Variants in MUCL3 observed in about 807,000 individuals in gnomAD.
The protein encoded by MUCL3 is mucin-like protein 3.
Under a neutral mutation model 70.2 loss-of-function variants are expected in MUCL3, and 42 were observed. The observed-to-expected ratio is 0.60, with a 90% CI of 0.47 to 0.77. The LOEUF (loss-of-function observed/expected upper bound fraction) is 0.77, where lower values mean the gene tolerates loss of function less well. MUCL3 is among the 30% of genes least tolerant of loss of function. The pLI is 0.00. For missense variants in MUCL3, 1,429 were observed against 1,670.0 expected (o/e 0.86, Z 2.52); for synonymous variants, 522 against 647.0 (o/e 0.81, Z 2.93).
rs776864263 is a variant in MUCL3 at position 30,952,145 on chromosome 6, G to A, written c.3681G>A (p.Lys1227=). Residue 1227 remains lysine, a synonymous_variant, in exon 2 of 3, where the codon AAG becomes AAA. Coordinates refer to ENST00000462446, the MANE Select transcript of MUCL3 (RefSeq NM_080870.4). ...LTTETIKAPV[K]STENPEKTAA... ...CTGAGACCATAAAAGCCCCAGTAAA[G>A]TCCACAGAAAACCCAGAAAAAACAG... 3 of 1,613,614 alleles carry A rather than the reference G, an allele frequency of 1.9e-6. No individual in the cohort carries two copies. The highest frequency in any genetic ancestry group is 8.5e-7 in the Non-Finnish European group (1 of 1,179,908).
rs1175433965 is a variant in MUCL3 at position 30,949,015 on chromosome 6, A to G, written c.551A>G (p.Lys184Arg). The G allele has an allele frequency of 1.3e-5, 20 of 1,551,724 alleles. No homozygotes were observed. Among genetic ancestry groups the G allele is most frequent in the Non-Finnish European group, 1.7e-5 (20 of 1,146,988 alleles). The change falls in exon 2 of 3, where the codon AAA becomes AGA. Residue 184 changes from lysine (K) to arginine (R), a missense_variant. Physicochemically the swap from Lys to Arg is conservative, Grantham distance 26. Transcript: ENST00000462446. ...TCAACGGTAACAAGAAAATCAGATA[A>G]AACTGGAAGACCTTTGGAAAAGTCC... ...GKSTVTRKSD[K>R]TGRPLEKSMS...
chr6:30,950,548 C>A lies in MUCL3; in HGVS notation c.2084C>A (p.Ser695Ter). 2 of 1,550,644 alleles carry A rather than the reference C, an allele frequency of 1.3e-6. No individual in the cohort carries two copies. Among genetic ancestry groups the A allele is most frequent in the Non-Finnish European group, 1.7e-6 (2 of 1,146,734 alleles). ...CCATTTGCCAATGAGAAAACCACAT[C>A]ATCCTCAGCAGAGCCTACAGAACAC... is the stretch of plus-strand genomic sequence containing the variant. ...RTPFANEKTTSSSAEPTEHGE... is the reference protein window; with the variant it reads ...RTPFANEKTT The change falls in exon 2 of 3, where the codon TCA becomes TAA. Residue 695 changes from serine (S) to a stop codon, truncating the protein, a stop_gained. Transcript: ENST00000462446. LOFTEE classifies it high-confidence loss of function.
chr6:30,950,430 T>C lies in MUCL3; in HGVS notation c.1966T>C (p.Phe656Leu). ...EMTANEKTTL[F>L]PAEPTENRER... ...GACAGCCAACGAGAAGACCACACTA[T>C]TCCCAGCAGAGCCTACAGAAAATAG... Residue 656 changes from phenylalanine to leucine, a missense_variant, in exon 2 of 3, where the codon TTC becomes CTC. Coordinates refer to ENST00000462446, the MANE Select transcript of MUCL3 (RefSeq NM_080870.4). The C allele has an allele frequency of 6.5e-7, 1 of 1,543,110 alleles. No individual in the cohort carries two copies. Among genetic ancestry groups the C allele is most frequent in the Non-Finnish European group, 8.7e-7 (1 of 1,145,652 alleles).
rs564551638 is a variant in MUCL3, at chr6:30,942,503, A to AG, written c.82+1426dup. 1.4e-3 allele frequency among the ~76,000 whole-genome samples: 211 copies of AG among 152,282 alleles called. 1 individual carries two copies. The Middle Eastern group carries it at 0.017, about 12-fold the overall frequency. ...CCCTGAGCACAGTCAGGTTGAGGCCAGGGGTGGAGGCAGGGGCAGGTGGGT... is the reference window on the plus strand; with the variant it reads ...CCCTGAGCACAGTCAGGTTGAGGCCAGGGGGTGGAGGCAGGGGCAGGTGGGT... On this transcript the variant is annotated intron_variant, in intron 1 of 2. Coordinates refer to ENST00000462446, the MANE Select transcript of MUCL3 (RefSeq NM_080870.4).
rs776515157 is a variant in MUCL3 at position 30,951,985 on chromosome 6, C to T, written c.3521C>T (p.Thr1174Met). ...TCCACAGAACACCCAGAAAAGACCA[C>T]GTCAACCACAGAGAAAACCACAAGA... ...EKSTEHPEKT[T>M]STTEKTTRTP... Residue 1174 changes from threonine (T) to methionine (M), a missense_variant, in exon 2 of 3, where the codon ACG becomes ATG. Coordinates refer to ENST00000462446, the MANE Select transcript of MUCL3 (RefSeq NM_080870.4). The T allele has an allele frequency of 7.4e-6, 12 of 1,612,614 alleles. No homozygotes were observed. The highest frequency in any genetic ancestry group is 2.2e-5 in the East Asian group (1 of 44,888).
intron 1 of MUCL3, 102 bp from the exon 2 acceptor site, chr6:30,948,445 C>A: frequency 1.1e-6 from 1 of 897,792 alleles, no homozygotes; most frequent in African/African-American, 1.7e-5. Context: ...GCTGGGGAGT[C>A]ATATCAGGGG....
chr6:30,949,291 A>G lies in MUCL3; in HGVS notation c.827A>G (p.Asn276Ser). 6.4e-7 allele frequency: 1 copy of G among 1,551,716 alleles called. No homozygotes were observed. Among genetic ancestry groups the G allele is most frequent in the Non-Finnish European group, 8.7e-7 (1 of 1,147,000 alleles). ...TKNIQETISA[N>S]ELTQSLAEPT... The stretch of plus-strand genomic sequence containing the variant: ...AACATACAAGAGACCATATCAGCCA[A>G]TGAGCTCACACAATCTCTAGCAGAG... Residue 276 changes from asparagine (N) to serine (S), a missense_variant, in exon 2 of 3, where the codon AAT (asparagine) becomes AGT (serine). Coordinates refer to ENST00000462446, the MANE Select transcript of MUCL3 (RefSeq NM_080870.4).
rs1406373513 is a variant in MUCL3, at chr6:30,949,510, C to A, written c.1046C>A (p.Thr349Lys). ...GGGCCTACAGAAAATAGAGAAATGACAGCCAATGAGAATACCACACTATTC... is the reference window on the plus strand; with the variant it reads ...GGGCCTACAGAAAATAGAGAAATGAAAGCCAATGAGAATACCACACTATTC... ...PAGPTENREMTANENTTLFPA... is the reference protein window; with the variant it reads ...PAGPTENREMKANENTTLFPA... Residue 349 changes from threonine to lysine, a missense_variant, in exon 2 of 3, where the codon ACA becomes AAA. By Grantham distance (78) the Thr-to-Lys change is moderately conservative. Coordinates refer to ENST00000462446, the MANE Select transcript of MUCL3 (RefSeq NM_080870.4). 1 of 1,550,364 alleles carries A rather than the reference C, an allele frequency of 6.5e-7. No individual in the cohort carries two copies. Among genetic ancestry groups the A allele is most frequent in the African/African-American group, 1.4e-5 (1 of 72,626 alleles).
intron 1 of MUCL3, among the ~76,000 whole-genome samples, chr6:30,947,513 T>G (rs1477503689): frequency 6.6e-6 from 1 of 151,974 alleles, no homozygotes; most frequent in Non-Finnish European, 1.5e-5. Context: ...TCTTTGGTGA[T>G]CTCTTGGCCT....
chr6:30,953,230 C>T lies in MUCL3; in HGVS notation c.*113C>T, dbSNP rs552256921. ...CTACAGGAAGGGCAGAGAATACTGA[C>T]GGTTACCAGTATTAACCCTTCATCT... is the stretch of plus-strand genomic sequence containing the variant. On this transcript the variant is annotated 3_prime_UTR_variant, in exon 3 of 3. Transcript: ENST00000462446. The T allele has an allele frequency of 1.1e-5, 16 of 1,429,006 alleles. No individual in the cohort carries two copies. Among genetic ancestry groups the T allele is most frequent in the African/African-American group, 9.9e-5 (7 of 70,602 alleles). 88.5% of individuals were successfully genotyped at this position (1,429,006 alleles called of 1,614,324 possible).
intron 1 of MUCL3, 131 bp from the exon 2 acceptor site, chr6:30,948,416 T>C (rs1370285666): frequency 8.4e-6 from 6 of 712,778 alleles, no homozygotes; most frequent in African/African-American, 1.8e-5. Flanking sequence ...ATAGATATCA[T>C]AGTATTCAGA....
rs987134116 is a variant in MUCL3, at chr6:30,949,749, C to A, written c.1285C>A (p.Leu429Met). ...TACAGAACATGGAGAAAGGACCCCA[C>A]TGGCCAACGAGAACACCACACCATC... is the stretch of plus-strand genomic sequence containing the variant. The part of the protein sequence containing the change: ...ESTEHGERTP[L>M]ANENTTPSPA... Residue 429 changes from leucine to methionine, a missense_variant, in exon 2 of 3, where the codon CTG (leucine) becomes ATG (methionine). Physicochemically the swap from Leu to Met is conservative, Grantham distance 15 (BLOSUM62 2). Coordinates refer to ENST00000462446, the MANE Select transcript of MUCL3 (RefSeq NM_080870.4). 4 of 1,449,044 alleles carry A rather than the reference C, an allele frequency of 2.8e-6. No individual in the cohort carries two copies. In the African/African-American group the frequency reaches 5.0e-5, roughly 18 times the overall value. 89.8% of individuals were successfully genotyped at this position (1,449,044 alleles called of 1,614,324 possible).
chr6:30,946,698 A>T (rs1369710469), intron 1 of MUCL3, among the ~76,000 whole-genome samples: 2 of 152,194 alleles, frequency 1.3e-5, no homozygotes, highest in Non-Finnish European at 2.9e-5. Context: ...TTCCTTCTTT[A>T]AAAGACTGGG....
chr6:30,948,971 TA>T lies in MUCL3; in HGVS notation c.509del (p.Lys170SerfsTer9). The T allele has an allele frequency of 6.4e-7, 1 of 1,551,628 alleles. No individual in the cohort carries two copies. Among genetic ancestry groups the T allele is most frequent in the South Asian group, 1.2e-5 (1 of 84,028 alleles). ...PAPKSKINCR[K>X]STTGKSTVTR... ...CACCCAAGAGCAAAATAAACTGTCG[TA>T]AGTCCACAACAGGCAAATCAACGGT... On this transcript the variant is annotated frameshift_variant, in exon 2 of 3. Transcript: ENST00000462446. LOFTEE classifies it high-confidence loss of function.
chr6:30,944,321 G>C (rs1272005854), intron 1 of MUCL3, among the ~76,000 whole-genome samples: 1 of 150,766 alleles, frequency 6.6e-6, no homozygotes, highest in Non-Finnish European at 1.5e-5. Flanking sequence ...TCACTCTGTG[G>C]CCCAGGTTGG....
chr6:30,948,907 C>T lies in MUCL3; in HGVS notation c.443C>T (p.Thr148Ile), dbSNP rs951402784. The T allele has an allele frequency of 1.3e-6, 2 of 1,550,818 alleles. No homozygotes were observed. Among genetic ancestry groups the T allele is most frequent in the Non-Finnish European group, 8.7e-7 (1 of 1,146,784 alleles). The change falls in exon 2 of 3, where the codon ACA becomes ATA. Residue 148 changes from threonine (T) to isoleucine (I), a missense_variant. By Grantham distance (89) the Thr-to-Ile change is moderately conservative. Coordinates refer to ENST00000462446, the MANE Select transcript of MUCL3 (RefSeq NM_080870.4). ...RSVDPADSTT[T>I]HKESAGKKHI... ...GTTGATCCTGCTGACTCCACTACCA[C>T]ACATAAAGAATCCGCTGGAAAAAAA...
At position 30,950,655 on chromosome 6, in the gene MUCL3, G is replaced by T. The variant is rs980220034; in HGVS notation, c.2191G>T (p.Glu731Ter). Residue 731 changes from glutamate to a stop codon, truncating the protein, a stop_gained, in exon 2 of 3, where the codon GAG becomes TAG. Coordinates refer to ENST00000462446, the MANE Select transcript of MUCL3 (RefSeq NM_080870.4). LOFTEE classifies it high-confidence loss of function. ...AGAAAATAGAGAAAGGACAGCCAAT[G>T]AGAAGACCACACCATTCCCAGCAGA... The part of the protein sequence containing the change: ...PTENRERTAN[E>*]KTTPFPAEPT... The T allele has an allele frequency of 9.1e-6, 14 of 1,536,852 alleles. No individual in the cohort carries two copies. Among genetic ancestry groups the T allele is most frequent in the East Asian group, 2.5e-5 (1 of 40,534 alleles).
chr6:30,953,990 A>G lies in MUCL3; in HGVS notation c.*873A>G, dbSNP rs563491779. 1 of 152,114 alleles carries G rather than the reference A, an allele frequency of 6.6e-6. No individual in the cohort carries two copies. Among genetic ancestry groups the G allele is most frequent in the Admixed American group, 6.6e-5 (1 of 15,266 alleles). The allele number at this position is 152,114 out of a possible 1,614,324, so 9.4% of individuals were successfully genotyped here. On this transcript the variant is annotated 3_prime_UTR_variant, in exon 3 of 3. Coordinates refer to ENST00000462446, the MANE Select transcript of MUCL3 (RefSeq NM_080870.4). The stretch of plus-strand genomic sequence containing the variant: ...GCTGTAGCTTTATCTCGTAAAAGTT[A>G]CCCATCTTCTCTACTGTCCCCATTC...
Position 30,950,286 on chromosome 6 carries a change from A to T in MUCL3, c.1822A>T (p.Thr608Ser). The T allele has an allele frequency of 6.5e-7, 1 of 1,547,098 alleles. No individual in the cohort carries two copies. Among genetic ancestry groups the T allele is most frequent in the Non-Finnish European group, 8.7e-7 (1 of 1,146,162 alleles). Residue 608 changes from threonine (T) to serine (S), a missense_variant, in exon 2 of 3, where the codon ACT becomes TCT. By Grantham distance (58) the Thr-to-Ser change is moderately conservative. Coordinates refer to ENST00000462446, the MANE Select transcript of MUCL3 (RefSeq NM_080870.4). ...AGAGCCTACAGAACACGAAGAAAGGACTCCACTGGCCAATGAGAACACCAC... is the reference window on the plus strand; with the variant it reads ...AGAGCCTACAGAACACGAAGAAAGGTCTCCACTGGCCAATGAGAACACCAC... Reference protein sequence around the residue: ...SAEPTEHEERTPLANENTTPS... With the variant: ...SAEPTEHEERSPLANENTTPS...
Sources: gnomAD v4.1 joint callset for allele counts (sites outside exome capture counted in the v4.1 genomes callset) on GRCh38, gnomAD v4.1.1 for gene constraint, MANE v1.5 for transcripts, NCBI Gene and HGNC (gene_info 2026-07-23, HGNC 2026-07-21) for gene names.